Variants in CHD1L observed in about 807,000 individuals in gnomAD.
The protein encoded by CHD1L is ATP-dependent chromatin remodeler CHD1L.
Under a neutral mutation model 115.9 loss-of-function variants are expected in CHD1L, and 118 were observed. The observed-to-expected ratio is 1.02, with a 90% CI of 0.88 to 1.19. CHD1L has a LOEUF of 1.19. Ranked by LOEUF, CHD1L falls within the 50% of genes most tolerant of loss-of-function variation. CHD1L has a pLI of 0.00. For missense variants in CHD1L, 1,179 were observed against 1,065.3 expected (o/e 1.11, Z -1.49); for synonymous variants, 411 against 387.1 (o/e 1.06, Z -0.72).
Position 147,284,227 on chromosome 1 carries a change from A to G in CHD1L, c.1706-124A>G, listed in dbSNP as rs1254152201. The G allele has an allele frequency of 4.3e-6, 3 of 699,506 alleles. No individual in the cohort carries two copies. The African/African-American group carries it at 5.6e-5, about 13-fold the overall frequency. The allele number at this position is 699,506 out of a possible 1,614,324, so 43.3% of individuals were successfully genotyped here. A position where few individuals can be genotyped will look rare whatever the true frequency, so the allele number is the denominator to read the frequency against. ...GATGGGAAATGAAATACCTTCCTTC[A>G]TATGGACTTAGCCCATTTAGAATAT... On this transcript the variant is annotated intron_variant, in intron 15 of 22. Transcript: ENST00000369258.
intron 19 of CHD1L, among the ~76,000 whole-genome samples, chr1:147,289,806 T>A (rs1269034134): frequency 1.3e-5 from 2 of 152,228 alleles, no homozygotes; most frequent in African/African-American, 2.4e-5. Context: ...GTACAGGCCA[T>A]GCAGGCCAGA....
chr1:147,271,221 C>T (rs1430139010), intron 11 of CHD1L: 4 of 419,052 alleles, frequency 9.5e-6, no homozygotes, highest in South Asian at 1.0e-4. Flanking sequence ...TAAACACCCA[C>T]GTTCCCATCA....
chr1:147,203,378 C>T, the CHD1L span: 2 of 1,080,586 alleles, frequency 1.9e-6, no homozygotes, highest in South Asian at 2.5e-5. Context: ...ACAGTGACTG[C>T]AGCATTAGCA....
the CHD1L span, chr1:147,213,382 AT>A: frequency 6.2e-7 from 1 of 1,613,696 alleles, no homozygotes; most frequent in Non-Finnish European, 8.5e-7. Flanking sequence ...AAAGACATTC[AT>A]CTCCTTTTTC....
chr1:147,178,093 C>T, the CHD1L span: 3 of 1,496,438 alleles, frequency 2.0e-6, no homozygotes, highest in Admixed American at 1.9e-5. Context: ...CTTCCGGCTG[C>T]CCCCACCCCA....
Position 147,294,489 on chromosome 1 carries a change from C to G in CHD1L, c.2587C>G (p.Leu863Val). The G allele has an allele frequency of 1.9e-6, 3 of 1,612,696 alleles. No individual in the cohort carries two copies. The highest frequency in any genetic ancestry group is 1.7e-4 in the Middle Eastern group (1 of 6,060). The change falls in exon 22 of 23, where the codon CTG (leucine) becomes GTG (valine). Residue 863 changes from leucine (L) to valine (V), a missense_variant. Transcript: ENST00000369258. ...YGTERLIRKH[L>V]AARGIPTYIY... ...TACTGAGCGACTTATTCGGAAACAT[C>G]TGGCTGCAAGAGGCATCCCAACTTA...
chr1:147,250,481 T>A (rs1361535331), intron 1 of CHD1L, among the ~76,000 whole-genome samples: 1 of 152,092 alleles, frequency 6.6e-6, no homozygotes, highest in African/African-American at 2.4e-5. Context: ...AAGGGGCTCC[T>A]CCATCCTGCT....
intron 6 of CHD1L, among the ~76,000 whole-genome samples, chr1:147,261,712 C>T (rs1671997337): frequency 6.6e-6 from 1 of 151,636 alleles, no homozygotes. Context: ...TCTTGTTATT[C>T]ATAAGGAAAC....
At chr1:147,223,625 A>C in the CHD1L span, 1 of 157,436 alleles carries the variant, frequency 6.4e-6, no homozygotes, top group Admixed American at 6.5e-5. Context: ...GCAGGAAGAC[A>C]AAAAAGTTGT....
chr1:147,224,358 A>G, the CHD1L span: 3 of 167,778 alleles, frequency 1.8e-5, no homozygotes, highest in South Asian at 1.6e-4. Flanking sequence ...GGTTAAATGT[A>G]CACTGCTGAA....
the CHD1L span, chr1:147,187,210 T>C: frequency 6.2e-7 from 1 of 1,613,550 alleles, no homozygotes; most frequent in Non-Finnish European, 8.5e-7. Context: ...ATCTATGTAG[T>C]CTCCCTGAAT....
chr1:147,252,760 G>A, intron 2 of CHD1L, 25 bp downstream of exon 2: 1 of 1,512,176 alleles, frequency 6.6e-7, no homozygotes, highest in Non-Finnish European at 9.2e-7. Flanking sequence ...GACGAGTACT[G>A]CTCACCGCCA....
upstream of CHD1L, among the ~76,000 whole-genome samples, chr1:147,242,411 C>T (rs961706153): frequency 5.3e-5 from 8 of 152,220 alleles, 1 homozygote; most frequent in South Asian, 1.0e-3. Flanking sequence ...CACATGCCAC[C>T]TCCTTGACGG....
chr1:147,208,957 T>C, the CHD1L span: 1 of 1,614,166 alleles, frequency 6.2e-7, no homozygotes, highest in Non-Finnish European at 8.5e-7. Context: ...CCATATAAAA[T>C]GTGTAAGTCG....
the CHD1L span, chr1:147,186,217 A>G: frequency 1.7e-6 from 1 of 594,192 alleles, no homozygotes; most frequent in Non-Finnish European, 2.1e-6. Context: ...AGTTGATCTC[A>G]TTGGCAGATG....
At chr1:147,249,404 A>ATTTTTTTTTTTTTTTTTT (rs59773572) in intron 1 of CHD1L, among the ~76,000 whole-genome samples, 1 of 94,172 alleles carries the variant, frequency 1.1e-5, no homozygotes, top group African/African-American at 4.4e-5. Context: ...CTTGGTGTGT[A>ATTTTTTTTTTTTTTTTTT]TTTTTTTTTT....
At chr1:147,260,549 T>G (rs147146577) in intron 6 of CHD1L, 6 of 152,214 alleles carry the variant, frequency 3.9e-5, no homozygotes, top group Admixed American at 3.3e-4. Flanking sequence ...TTCAGATGTT[T>G]CAACTCTCTT....
In CHD1L at chr1:147,255,951, G is replaced by T; in HGVS notation, c.462+24G>T. 3.3e-6 allele frequency: 5 copies of T among 1,515,178 alleles called. No individual in the cohort carries two copies. The South Asian group carries it at 4.6e-5, about 14-fold the overall frequency. The allele number at this position is 1,515,178 out of a possible 1,614,324, so 93.9% of individuals were successfully genotyped here. ...AGGTATTCATTCGTTTCTCTATAGC[G>T]AGAACTCCTAACCTGTGACCTTAGA... On this transcript the variant is annotated intron_variant, in intron 4 of 22. Transcript: ENST00000369258.
chr1:147,242,698 G>C lies in CHD1L; in HGVS notation c.-6G>C. ...GGCCGCGCGGGGCGGGGCCTCTACC[G>C]GCCCGATGGAGCGCGCGGGCGCTAC... On this transcript the variant is annotated 5_prime_UTR_variant, in exon 1 of 23. Coordinates refer to ENST00000369258, the MANE Select transcript of CHD1L (RefSeq NM_004284.6). 3.2e-6 allele frequency: 4 copies of C among 1,262,346 alleles called. No individual in the cohort carries two copies. The highest frequency in any genetic ancestry group is 3.8e-5 in the South Asian group (1 of 26,474). The allele number at this position is 1,262,346 out of a possible 1,614,324, so 78.2% of individuals were successfully genotyped here.
Sources: allele counts gnomAD v4.1 joint callset (sites outside exome capture counted in the v4.1 genomes callset), GRCh38; gene constraint gnomAD v4.1.1; transcripts MANE v1.5; gene names NCBI Gene and HGNC (gene_info 2026-07-23, HGNC 2026-07-21).